Variants in MGAT1 observed in about 807,000 individuals in gnomAD.
The protein encoded by MGAT1 is N-glycosyl-oligosaccharide-glycoprotein N-acetylglucosaminyltransferase I.
In MGAT1, 14 loss-of-function variants were observed where a neutral mutation model predicts 31.7. The ratio of observed to expected loss-of-function variants is 0.44; its 90% CI spans 0.29 to 0.69. The LOEUF (loss-of-function observed/expected upper bound fraction) is 0.69. Among genes scored for constraint, MGAT1 ranks in the 30% least tolerant of loss-of-function variants. The probability of loss-of-function intolerance (pLI) is 0.12; values close to 1 mark genes in which losing one functional copy is unlikely to be tolerated. For missense variants in MGAT1, 557 were observed against 626.0 expected (o/e 0.89, Z 1.18); for synonymous variants, 338 against 276.0 (o/e 1.22, Z -2.23).
At position 180,792,237 on chromosome 5, in the gene MGAT1, G is replaced by C. The variant is rs1231142606; in HGVS notation, c.735C>G (p.Gly245=). 3 of 1,613,002 alleles carry C rather than the reference G, an allele frequency of 1.9e-6. No homozygotes were observed. Among genetic ancestry groups the C allele is most frequent in the Non-Finnish European group, 2.5e-6 (3 of 1,180,008 alleles). Residue 245 remains glycine, a synonymous_variant, in exon 2 of 2, where the codon GGC becomes GGG. Coordinates refer to ENST00000307826, the MANE Select transcript of MGAT1 (RefSeq NM_002406.4). ...LWCVSAWNDN[G]KEQMVDASRP... ...TGCTGGCGTCCACCATCTGCTCCTTGCCGTTGTCATTCCAGGCCGAGACGC... is the reference window on the plus strand; with the variant it reads ...TGCTGGCGTCCACCATCTGCTCCTTCCCGTTGTCATTCCAGGCCGAGACGC...
In MGAT1 at chr5:180,792,568, A is replaced by T; in HGVS notation, c.404T>A (p.Phe135Tyr). The change falls in exon 2 of 2, where the codon TTC becomes TAC. Residue 135 changes from phenylalanine (F) to tyrosine (Y), a missense_variant. Physicochemically the swap from Phe to Tyr is conservative, Grantham distance 22. Transcript: ENST00000307826. ...LLHYRPSAEL[F>Y]PIIVSQDCGH... ...GCAGTCCTGGCTAACGATGATGGGG[A>T]AGAGCTCAGCCGAGGGCCGATAATG... 6.2e-7 allele frequency: 1 copy of T among 1,612,626 alleles called. No individual in the cohort carries two copies. Among genetic ancestry groups the T allele is most frequent in the Non-Finnish European group, 8.5e-7 (1 of 1,179,738 alleles).
In MGAT1 at chr5:180,792,804, G is replaced by T; in HGVS notation, c.168C>A (p.Arg56=). 6.4e-7 allele frequency: 1 copy of T among 1,556,568 alleles called. No individual in the cohort carries two copies. The highest frequency in any genetic ancestry group is 1.9e-5 in the Admixed American group (1 of 51,328). The part of the protein sequence containing the change: ...DPASLTREVI[R]LAQDAEVELE... ...GCTCCACCTCGGCGTCTTGGGCCAG[G>T]CGAATCACTTCCCGGGTGAGGCTGG... Residue 56 remains arginine, a synonymous_variant, in exon 2 of 2, where the codon CGC becomes CGA. Coordinates refer to ENST00000307826, the MANE Select transcript of MGAT1 (RefSeq NM_002406.4).
intron 1 of MGAT1, among the ~76,000 whole-genome samples, chr5:180,797,559 C>T (rs1270684892): frequency 6.6e-6 from 1 of 152,110 alleles, no homozygotes; most frequent in Non-Finnish European, 1.5e-5. Flanking sequence ...CTTCTCCAGA[C>T]ATCAGAATTT....
intron 1 of MGAT1, chr5:180,810,748 C>T (rs1020528513): frequency 5.9e-5 from 9 of 152,210 alleles, no homozygotes; most frequent in African/African-American, 1.9e-4. Context: ...TGTGTTCCCG[C>T]TTCCTCGGAC....
At chr5:180,793,173 G>A in intron 1 of MGAT1, 76 bp from the exon 2 acceptor site, 1 of 643,220 alleles carries the variant, frequency 1.6e-6, no homozygotes, top group South Asian at 2.0e-5. Context: ...AGGAAATGGG[G>A]GCAGGAAAAG....
At chr5:180,800,107 G>A (rs1416802329) in intron 1 of MGAT1, among the ~76,000 whole-genome samples, 1 of 152,184 alleles carries the variant, frequency 6.6e-6, no homozygotes, top group Non-Finnish European at 1.5e-5. Context: ...AAGCCACTAA[G>A]TTCTGGGGTG....
chr5:180,811,898 TC>T (rs1772602000), intron 1 of MGAT1, among the ~76,000 whole-genome samples: 1 of 152,206 alleles, frequency 6.6e-6, no homozygotes, highest in African/African-American at 2.4e-5. Context: ...AAACACCCCT[TC>T]CAGGCATTTC....
chr5:180,805,930 C>G (rs779379024), upstream of MGAT1, among the ~76,000 whole-genome samples: 1 of 152,120 alleles, frequency 6.6e-6, no homozygotes, highest in Non-Finnish European at 1.5e-5. Context: ...TGAAATGTAA[C>G]TTTTGGTTAG....
rs1461082082 is a variant in MGAT1 at position 180,787,810 on chromosome 5, T to C, written c.*3824A>G. The C allele has an allele frequency of 6.6e-6, 1 of 152,290 alleles. No individual in the cohort carries two copies. Among genetic ancestry groups the C allele is most frequent in the African/African-American group, 2.4e-5 (1 of 41,458 alleles). The allele number at this position is 152,290 out of a possible 1,614,324, so 9.4% of individuals were successfully genotyped here. ...GGCCCAGTGAAGGCTCAGGAGGGCC[T>C]TGGCCAGACTCCATCAGACATTTGT... On this transcript the variant is annotated 3_prime_UTR_variant, in exon 2 of 2. Coordinates refer to ENST00000307826, the MANE Select transcript of MGAT1 (RefSeq NM_002406.4).
chr5:180,794,116 T>C (rs2113266605), intron 1 of MGAT1, among the ~76,000 whole-genome samples: 1 of 151,610 alleles, frequency 6.6e-6, no homozygotes, highest in South Asian at 2.1e-4. Flanking sequence ...CAGTAGCTCC[T>C]ACCTGCAATC....
chr5:180,794,262 C>T (rs575268735), intron 1 of MGAT1, among the ~76,000 whole-genome samples: 5 of 150,434 alleles, frequency 3.3e-5, no homozygotes, highest in African/African-American at 1.2e-4. Flanking sequence ...CATGGTGGCA[C>T]GCACCTGTGG....
At chr5:180,814,929 A>T (rs1279602620) in intron 1 of MGAT1, among the ~76,000 whole-genome samples, 1 of 149,678 alleles carries the variant, frequency 6.7e-6, no homozygotes, top group Non-Finnish European at 1.5e-5. Flanking sequence ...CGACAGAGTG[A>T]GACTCTGTCT....
At position 180,789,084 on chromosome 5, in the gene MGAT1, G is replaced by A. The variant is rs1428261574; in HGVS notation, c.*2550C>T. On this transcript the variant is annotated 3_prime_UTR_variant, in exon 2 of 2. Coordinates refer to ENST00000307826, the MANE Select transcript of MGAT1 (RefSeq NM_002406.4). ...CTAAATAATCCATCTAAGCAACAGGGGAAGGCAAAACCCGCTCCACACAAA... is the reference window on the plus strand; with the variant it reads ...CTAAATAATCCATCTAAGCAACAGGAGAAGGCAAAACCCGCTCCACACAAA... 6.6e-6 allele frequency: 1 copy of A among 152,194 alleles called. No individual in the cohort carries two copies. The highest frequency in any genetic ancestry group is 2.1e-4 in the South Asian group (1 of 4,824). The allele number at this position is 152,194 out of a possible 1,614,324, so 9.4% of individuals were successfully genotyped here.
chr5:180,789,896 C>CCCACA lies in MGAT1; in HGVS notation c.*1737_*1738insTGTGG, dbSNP rs1767841434. 1 of 150,874 alleles carries CCCACA rather than the reference C, an allele frequency of 6.6e-6. No individual in the cohort carries two copies. The highest frequency in any genetic ancestry group is 1.5e-5 in the Non-Finnish European group (1 of 67,606). 9.3% of individuals were successfully genotyped at this position (150,874 alleles called of 1,614,324 possible). A position where few individuals can be genotyped will look rare whatever the true frequency, so the allele number is the denominator to read the frequency against. On this transcript the variant is annotated 3_prime_UTR_variant, in exon 2 of 2. Transcript: ENST00000307826. ...CCGTCCGCCTCAGCCTCCCAAAGTG[C>CCCACA]TGGGATTACATGTGTAAGCCACTGC...
In MGAT1 at chr5:180,791,371, C is replaced by G. The variant is rs1768048650; in HGVS notation, c.*263G>C. On this transcript the variant is annotated 3_prime_UTR_variant, in exon 2 of 2. Transcript: ENST00000307826. ...AGGACGTGGACATTTCTGGCCCCAA[C>G]AAGCCCAGTGCCCCCCACCACACAG... 2 of 548,386 alleles carry G rather than the reference C, an allele frequency of 3.6e-6. No homozygotes were observed. The highest frequency in any genetic ancestry group is 3.3e-5 in the Admixed American group (1 of 29,940). The allele number at this position is 548,386 out of a possible 1,614,324, so 34.0% of individuals were successfully genotyped here.
chr5:180,811,536 A>AC (rs1176485629), intron 1 of MGAT1, among the ~76,000 whole-genome samples: 1 of 150,278 alleles, frequency 6.7e-6, no homozygotes, highest in African/African-American at 2.5e-5. Context: ...TCACTCTCTC[A>AC]CCCCCTCTAC....
In MGAT1 at chr5:180,792,143, C is replaced by T. The variant is rs752199692; in HGVS notation, c.829G>A (p.Ala277Thr). 5.6e-6 allele frequency: 9 copies of T among 1,613,112 alleles called. No homozygotes were observed. Among genetic ancestry groups the T allele is most frequent in the Non-Finnish European group, 6.8e-6 (8 of 1,179,974 alleles). Residue 277 changes from alanine to threonine, a missense_variant, in exon 2 of 2, where the codon GCT becomes ACT. Coordinates refer to ENST00000307826, the MANE Select transcript of MGAT1 (RefSeq NM_002406.4). ...LGWLLLAELW[A>T]ELEPKWPKAF... Reference sequence around the variant, plus strand: ...TTTGGCCACTTGGGCTCCAGCTCAGCCCAGAGCTCGGCCAACAGCAGCCAG... The same window carrying T: ...TTTGGCCACTTGGGCTCCAGCTCAGTCCAGAGCTCGGCCAACAGCAGCCAG...
At chr5:180,793,465 C>T (rs1296617128) in intron 1 of MGAT1, among the ~76,000 whole-genome samples, 3 of 152,096 alleles carry the variant, frequency 2.0e-5, no homozygotes, top group African/African-American at 4.8e-5. Context: ...TCAAATGTCC[C>T]ACCTCAGGGC....
In MGAT1 at chr5:180,792,161, G is replaced by A; in HGVS notation, c.811C>T (p.Leu271=). ...AGCTCAGCCCAGAGCTCGGCCAACA[G>A]CAGCCAGCCCAGGCCAGGGAAAAAG... ...TDFFPGLGWL[L]LAELWAELEP... Residue 271 remains leucine (L), a synonymous_variant, in exon 2 of 2, where the codon CTG becomes TTG. Transcript: ENST00000307826. 1 of 1,613,094 alleles carries A rather than the reference G, an allele frequency of 6.2e-7. No individual in the cohort carries two copies. The highest frequency in any genetic ancestry group is 8.5e-7 in the Non-Finnish European group (1 of 1,179,986).
Sources: allele counts gnomAD v4.1 joint callset (sites outside exome capture counted in the v4.1 genomes callset), GRCh38; gene constraint gnomAD v4.1.1; transcripts MANE v1.5; gene names NCBI Gene and HGNC (gene_info 2026-07-23, HGNC 2026-07-21).